NELFCD: variants seen among roughly 807,000 people sequenced by gnomAD.
NELFCD encodes negative elongation factor C/D.
A neutral mutation model predicts 72.9 loss-of-function variants in NELFCD; 48 were observed. The observed-to-expected ratio is 0.66, with a 90% CI of 0.52 to 0.84. The LOEUF (loss-of-function observed/expected upper bound fraction) is 0.84, where lower values mean the gene tolerates loss of function less well. Ranked by LOEUF, NELFCD falls within the 40% of genes least tolerant of loss-of-function variation. The pLI is 0.00. For missense variants in NELFCD, 538 were observed against 723.8 expected (o/e 0.74, Z 2.94); for synonymous variants, 297 against 280.6 (o/e 1.06, Z -0.59).
At chr20:58,983,241 A>G (rs112452363) in intron 1 of NELFCD, among the ~76,000 whole-genome samples, 18,225 of 151,156 alleles carry the variant, frequency 0.12, 1,200 homozygotes, top group Admixed American at 0.19. Flanking sequence ...GGTTCAAGCA[A>G]TTCTCCCGTC....
rs952378690 is a variant in NELFCD, at chr20:58,987,175, C to T, written c.286+312C>T. 1.9e-5 allele frequency: 6 copies of T among 307,798 alleles called. No homozygotes were observed. In the South Asian group the frequency reaches 2.2e-4, roughly 11 times the overall value. 19.1% of individuals were successfully genotyped at this position (307,798 alleles called of 1,614,324 possible). On this transcript the variant is annotated intron_variant, in intron 3 of 14. Coordinates refer to ENST00000652272, the MANE Select transcript of NELFCD (RefSeq NM_198976.4). ...TGTGTTCAGTGTGTCATTTTCAAGA[C>T]GTCTATTACAGCAAGCAGTAAATGA...
chr20:58,990,785 C>A, intron 7 of NELFCD, 125 bp from the exon 8 acceptor site: 1 of 789,994 alleles, frequency 1.3e-6, no homozygotes, highest in Non-Finnish European at 2.0e-6. Context: ...TTTTGTGGGT[C>A]AGTCAGTATA....
At chr20:58,991,111 G>GT in intron 8 of NELFCD, 36 bp downstream of exon 8, 1 of 1,603,512 alleles carries the variant, frequency 6.2e-7, no homozygotes, top group Non-Finnish European at 8.5e-7. Flanking sequence ...ATGTCAGCTG[G>GT]TAAGGTGACT....
Position 58,988,898 on chromosome 20 carries a change from GT to G in NELFCD, c.397-15del. On this transcript the variant is annotated splice_polypyrimidine_tract_variant and intron_variant, in intron 4 of 14. Coordinates refer to ENST00000652272, the MANE Select transcript of NELFCD (RefSeq NM_198976.4). ...GGGGCCTCCTCCTATCTTGCTGTTT[GT>G]GTGTGTGTTGGCAGACCCCAGCGTG... 1 of 1,579,600 alleles carries G rather than the reference GT, an allele frequency of 6.3e-7. No homozygotes were observed. Among genetic ancestry groups the G allele is most frequent in the Non-Finnish European group, 8.7e-7 (1 of 1,149,020 alleles).
In NELFCD at chr20:58,989,269, G is replaced by A. The variant is rs78129416; in HGVS notation, c.505-219G>A. 1.6e-3 allele frequency: 982 copies of A among 633,114 alleles called. 9 individuals are homozygous for A. The highest frequency in any genetic ancestry group is 0.015 in the African/African-American group (806 of 54,652). The allele number at this position is 633,114 out of a possible 1,614,324, so 39.2% of individuals were successfully genotyped here. A position where few individuals can be genotyped will look rare whatever the true frequency, so the allele number is the denominator to read the frequency against. On this transcript the variant is annotated intron_variant, in intron 5 of 14. Coordinates refer to ENST00000652272, the MANE Select transcript of NELFCD (RefSeq NM_198976.4). The stretch of plus-strand genomic sequence containing the variant: ...TTGTGGTTGGAGAGGAGCTTTAGGC[G>A]TGCCTGCTTGATCTTCCTCTTGCAT...
chr20:58,990,737 C>G (rs1316299401), intron 7 of NELFCD, 173 bp from the exon 8 acceptor site: 4 of 571,188 alleles, frequency 7.0e-6, no homozygotes, highest in Non-Finnish European at 9.2e-6. Flanking sequence ...AGCCAGCAAG[C>G]TGTATTGGAA....
At position 58,986,505 on chromosome 20, in the gene NELFCD, ATTTTTG is replaced by A. The variant is rs1314966506; in HGVS notation, c.177-237_177-232del. 1.8e-6 allele frequency: 1 copy of A among 554,098 alleles called. No individual in the cohort carries two copies. The highest frequency in any genetic ancestry group is 3.2e-6 in the Non-Finnish European group (1 of 316,150). 34.3% of individuals were successfully genotyped at this position (554,098 alleles called of 1,614,324 possible). On this transcript the variant is annotated intron_variant, in intron 2 of 14. Coordinates refer to ENST00000652272, the MANE Select transcript of NELFCD (RefSeq NM_198976.4). The surrounding 1 kb of genome is among the most constrained non-coding windows in gnomAD (Gnocchi z 4.4). ...CAGGCGTCTGCCATCATGCCTGGCT[ATTTTTG>A]TTTTTGTTTTTTGGGAGAGACAGGG...
At chr20:58,988,059 C>T in intron 4 of NELFCD, 1 of 500,658 alleles carries the variant, frequency 2.0e-6, no homozygotes. Flanking sequence ...CAAGTTCCCA[C>T]CATTTCCCCT....
In NELFCD at chr20:58,990,906, C is replaced by A. The variant is rs2091811395; in HGVS notation, c.789-4C>A. 6.2e-7 allele frequency: 1 copy of A among 1,609,690 alleles called. No individual in the cohort carries two copies. Among genetic ancestry groups the A allele is most frequent in the Non-Finnish European group, 8.5e-7 (1 of 1,178,148 alleles). ...TAACGGGGTCTATGGTTTTTCTCAT[C>A]AAGAGGTCATGACGCCAGTCAGATC... On this transcript the variant is annotated splice_polypyrimidine_tract_variant and splice_region_variant and intron_variant, in intron 7 of 14. Transcript: ENST00000652272.
intron 9 of NELFCD, 68 bp from the exon 10 acceptor site, chr20:58,991,813 C>CA: frequency 6.4e-7 from 1 of 1,569,664 alleles, no homozygotes; most frequent in Non-Finnish European, 8.7e-7. Context: ...AAGTGGCCGA[C>CA]ACCAGAACAC....
At chr20:58,990,888 G>C (rs163782) in intron 7 of NELFCD, 22 bp from the exon 8 acceptor site, 1,299,252 of 1,599,482 alleles carry the variant, frequency 0.81, 528,418 homozygotes, top group East Asian at 0.87. Context: ...TAGTAACGGG[G>C]TCTATGGTTT....
intron 1 of NELFCD, among the ~76,000 whole-genome samples, chr20:58,985,859 A>G (rs892519686): frequency 6.6e-6 from 1 of 152,188 alleles, no homozygotes; most frequent in East Asian, 1.9e-4. Context: ...TTGTGTGAGC[A>G]TGGAACGCGG....
Position 58,993,492 on chromosome 20 carries a change from T to G in NELFCD, c.1388T>G (p.Leu463Arg). 6.2e-7 allele frequency: 1 copy of G among 1,614,208 alleles called. No individual in the cohort carries two copies. Among genetic ancestry groups the G allele is most frequent in the African/African-American group, 1.3e-5 (1 of 75,070 alleles). ...CTCCTGCACCCCCAGGTCCTGCAGC[T>G]GCTTGTTAAGCTTTTTGAGACTGAG... ...HQLLHPQVLQ[L>R]LVKLFETEHS... The change falls in exon 12 of 15, where the codon CTG becomes CGG. Residue 463 changes from leucine (L) to arginine (R), a missense_variant. By Grantham distance (102) the Leu-to-Arg change is moderately radical (BLOSUM62 -2). Coordinates refer to ENST00000652272, the MANE Select transcript of NELFCD (RefSeq NM_198976.4). The surrounding 1 kb of genome is among the most constrained non-coding windows in gnomAD (Gnocchi z 5.0).
In NELFCD at chr20:58,993,183, T is replaced by A; in HGVS notation, c.1344+71T>A. The stretch of plus-strand genomic sequence containing the variant: ...ATGCTGTTTACGTTGGCATTAACAT[T>A]GCATCTATTCAGTGAGTTTAGAGGA... On this transcript the variant is annotated intron_variant, in intron 11 of 14. Transcript: ENST00000652272. This position sits in a 1 kb window ranked among gnomAD's most constrained non-coding sequence, Gnocchi z 5.0. 4 of 1,151,702 alleles carry A rather than the reference T, an allele frequency of 3.5e-6. No homozygotes were observed. Among genetic ancestry groups the A allele is most frequent in the Non-Finnish European group, 5.3e-6 (4 of 760,584 alleles). The allele number at this position is 1,151,702 out of a possible 1,614,324, so 71.3% of individuals were successfully genotyped here.
chr20:58,986,544 C>T lies in NELFCD; in HGVS notation c.177-210C>T, dbSNP rs562479534. On this transcript the variant is annotated intron_variant, in intron 2 of 14. Transcript: ENST00000652272. This position sits in a 1 kb window ranked among gnomAD's most constrained non-coding sequence, Gnocchi z 4.4. ...TTTTTGGGAGAGACAGGGCTCCTTA[C>T]GTTGCCCTGGCTGCTCTTGAACTCC... The T allele has an allele frequency of 3.5e-6, 2 of 577,696 alleles. No homozygotes were observed. Among genetic ancestry groups the T allele is most frequent in the East Asian group, 3.1e-5 (1 of 32,464 alleles). 35.8% of individuals were successfully genotyped at this position (577,696 alleles called of 1,614,324 possible).
At chr20:58,984,643 G>T (rs1392342131) in intron 1 of NELFCD, among the ~76,000 whole-genome samples, 1 of 152,210 alleles carries the variant, frequency 6.6e-6, no homozygotes, top group Non-Finnish European at 1.5e-5. Flanking sequence ...CTAGGGAAGA[G>T]ATGTCAGTTT....
Position 58,981,376 on chromosome 20 carries a change from C to CG in NELFCD, c.60+11dup. On this transcript the variant is annotated splice_region_variant and intron_variant, in intron 1 of 14. Transcript: ENST00000652272. The stretch of plus-strand genomic sequence containing the variant: ...CGAGGCTGACGGCGGCCAGGTGAGG[C>CG]GGGGCACTGGGCGCACCCTAGAGAG... 9.3e-7 allele frequency: 1 copy of CG among 1,075,950 alleles called. No individual in the cohort carries two copies. Among genetic ancestry groups the CG allele is most frequent in the Non-Finnish European group, 1.1e-6 (1 of 882,534 alleles). 66.7% of individuals were successfully genotyped at this position (1,075,950 alleles called of 1,614,324 possible). A position where few individuals can be genotyped will look rare whatever the true frequency, so the allele number is the denominator to read the frequency against.
In NELFCD at chr20:58,986,576, C is replaced by G; in HGVS notation, c.177-178C>G. ...CTGGCTGCTCTTGAACTCCTAGGCT[C>G]AAGTGATTCTCCCACCTCTGCCTCC... On this transcript the variant is annotated intron_variant, in intron 2 of 14. Coordinates refer to ENST00000652272, the MANE Select transcript of NELFCD (RefSeq NM_198976.4). The surrounding 1 kb of genome is among the most constrained non-coding windows in gnomAD (Gnocchi z 4.4). The G allele has an allele frequency of 1.6e-6, 1 of 641,160 alleles. No homozygotes were observed. Among genetic ancestry groups the G allele is most frequent in the East Asian group, 2.8e-5 (1 of 35,696 alleles). 39.7% of individuals were successfully genotyped at this position (641,160 alleles called of 1,614,324 possible).
intron 8 of NELFCD, 38 bp from the exon 9 acceptor site, chr20:58,991,274 C>A: frequency 1.2e-6 from 2 of 1,613,140 alleles, no homozygotes; most frequent in Non-Finnish European, 1.7e-6. Flanking sequence ...AGTGCCCTCA[C>A]GCCTGCCATC....
Sources: gnomAD v4.1 joint callset for allele counts (sites outside exome capture counted in the v4.1 genomes callset) on GRCh38, gnomAD v4.1.1 for gene constraint, Gnocchi (gnomAD v3.1) non-coding constraint, MANE v1.5 for transcripts, NCBI Gene and HGNC (gene_info 2026-07-23, HGNC 2026-07-21) for gene names.